Variants in CRYBB2 observed in about 807,000 individuals in gnomAD.
CRYBB2 encodes the protein beta-crystallin B2.
In CRYBB2, 12 loss-of-function variants were observed where a neutral mutation model predicts 24.3. The observed-to-expected ratio is 0.49, with a 90% CI of 0.32 to 0.80. The LOEUF (loss-of-function observed/expected upper bound fraction) is 0.80. CRYBB2 is among the 30% of genes least tolerant of loss of function. The pLI is 0.04. For synonymous variants in CRYBB2, 98 were observed against 101.6 expected, an observed-to-expected ratio of 0.96 and a Z score of 0.21; for missense variants, 198 against 268.5, an observed-to-expected ratio of 0.74 and a Z score of 1.83.
chr22:25,225,650 A>G (rs948054196), intron 3 of CRYBB2, among the ~76,000 whole-genome samples: 6 of 152,166 alleles, frequency 3.9e-5, no homozygotes, highest in Non-Finnish European at 8.8e-5. Context: ...ACAAAACCAC[A>G]GTTTCTCTCG....
intron 3 of CRYBB2, among the ~76,000 whole-genome samples, chr22:25,227,129 GC>G (rs1480989011): frequency 6.6e-6 from 1 of 152,106 alleles, no homozygotes; most frequent in East Asian, 1.9e-4. Flanking sequence ...TGAAATGTTC[GC>G]CTCTGCACTG....
At chr22:25,213,327 C>T (rs961816792) in intron 1 of CRYBB2, 4 of 152,066 alleles carry the variant, frequency 2.6e-5, no homozygotes, top group African/African-American at 7.2e-5. Context: ...CTATTCTCCT[C>T]GTGGGAGCAA....
chr22:25,220,382 A>C (rs1166819544), intron 1 of CRYBB2, among the ~76,000 whole-genome samples: 1 of 152,218 alleles, frequency 6.6e-6, no homozygotes, highest in African/African-American at 2.4e-5. Flanking sequence ...CAGAGTCTCA[A>C]TTCTGGCAGG....
At chr22:25,224,080 C>T (rs1005544183) in intron 2 of CRYBB2, among the ~76,000 whole-genome samples, 8 of 150,208 alleles carry the variant, frequency 5.3e-5, no homozygotes, top group African/African-American at 1.2e-4. Flanking sequence ...GCCGAGATCG[C>T]GCCACTGCAC....
At chr22:25,230,689 C>CATTG (rs990751489) in intron 5 of CRYBB2, among the ~76,000 whole-genome samples, 1 of 148,084 alleles carries the variant, frequency 6.8e-6, no homozygotes, top group African/African-American at 2.6e-5. Flanking sequence ...TTCCCTCATT[C>CATTG]ATTCATTCAT....
chr22:25,212,698 C>CCTAT (rs1444033112), exon 1 of CRYBB2: 3 of 152,216 alleles, frequency 2.0e-5, no homozygotes, highest in African/African-American at 7.2e-5. Context: ...CATCCACATG[C>CCTAT]CTATGTGCCT....
chr22:25,226,168 C>CTGTGTGTGTG (rs3064285), intron 3 of CRYBB2, among the ~76,000 whole-genome samples: 13 of 149,042 alleles, frequency 8.7e-5, no homozygotes, highest in African/African-American at 2.5e-4. Context: ...TTGGATTTCT[C>CTGTGTGTGTG]TGTGTGTGTG....
upstream of CRYBB2, among the ~76,000 whole-genome samples, chr22:25,218,779 G>GAGAGAGAGAAAGAAAGAAAGAAA (rs1935251085): frequency 1.4e-4 from 5 of 34,532 alleles, no homozygotes; most frequent in African/African-American, 2.4e-4. Flanking sequence ...GAGAGAGAGA[G>GAGAGAGAGAAAGAAAGAAAGAAA]AAGAAAGAAA....
At chr22:25,212,179 C>T (rs1360392635), upstream of CRYBB2, among the ~76,000 whole-genome samples, 1 of 152,248 alleles carries the variant, frequency 6.6e-6, no homozygotes, top group Non-Finnish European at 1.5e-5. Context: ...GCTTCCAGAG[C>T]TCCGTTCCAG....
chr22:25,214,212 CCTG>C (rs1168877501), intron 1 of CRYBB2, among the ~76,000 whole-genome samples: 3 of 152,164 alleles, frequency 2.0e-5, no homozygotes, highest in Non-Finnish European at 2.9e-5. Flanking sequence ...GATGTGAAAA[CCTG>C]TAGTCTGAGC....
chr22:25,218,820 AAGAAAGAAAGAAAGAAAG>A (rs1601416526), upstream of CRYBB2, among the ~76,000 whole-genome samples: 17 of 91,150 alleles, frequency 1.9e-4, no homozygotes, highest in African/African-American at 4.8e-4. Flanking sequence ...GAAAGAAAGA[AAGAAAGAAAGAAAGAAAG>A]AGAAAGAAAG....
chr22:25,216,357 G>T (rs1459038685), upstream of CRYBB2, among the ~76,000 whole-genome samples: 3 of 152,310 alleles, frequency 2.0e-5, no homozygotes, highest in East Asian at 5.8e-4. Flanking sequence ...ATCCTTATAG[G>T]CACAGAAATT....
chr22:25,219,234 GAATA>G (rs1262215088), upstream of CRYBB2, among the ~76,000 whole-genome samples: 1 of 152,202 alleles, frequency 6.6e-6, no homozygotes, highest in African/African-American at 2.4e-5. Flanking sequence ...TTTGTTGAAT[GAATA>G]AATGGGTAGA....
chr22:25,226,966 G>T (rs1315815600), intron 3 of CRYBB2, among the ~76,000 whole-genome samples: 1 of 152,048 alleles, frequency 6.6e-6, no homozygotes, highest in East Asian at 1.9e-4. Context: ...GAGCCACAGC[G>T]CCCAGCCCCT....
intron 2 of CRYBB2, among the ~76,000 whole-genome samples, chr22:25,224,214 C>G (rs144427204): frequency 2.0e-5 from 3 of 151,844 alleles, no homozygotes; most frequent in Non-Finnish European, 2.9e-5. Flanking sequence ...TGGGTGGGTC[C>G]CTTCACTTTG....
At chr22:25,228,042 C>T in intron 4 of CRYBB2, 57 bp downstream of exon 4, 1 of 1,612,236 alleles carries the variant, frequency 6.2e-7, no homozygotes, top group Non-Finnish European at 8.5e-7. Context: ...TACTTTCTCT[C>T]TCTGCCACCT....
chr22:25,229,409 T>G (rs1208953759), intron 4 of CRYBB2, 27 bp from the exon 5 acceptor site: 1 of 1,586,848 alleles, frequency 6.3e-7, no homozygotes, highest in Non-Finnish European at 8.6e-7. Flanking sequence ...TCACCCATAC[T>G]CACTTCCCCC....
At chr22:25,214,739 C>T (rs114211029), upstream of CRYBB2, among the ~76,000 whole-genome samples, 1,481 of 152,236 alleles carry the variant, frequency 9.7e-3, 28 homozygotes, top group African/African-American at 0.034. Flanking sequence ...ATATTTAATT[C>T]TTCGCAAGTG....
chr22:25,227,576 C>T (rs1028238096), intron 3 of CRYBB2, among the ~76,000 whole-genome samples: 8 of 149,960 alleles, frequency 5.3e-5, no homozygotes, highest in Admixed American at 2.7e-4. Context: ...TAGTGCATGG[C>T]GTCTATATAT....
Sources: gnomAD v4.1 joint callset for allele counts (sites outside exome capture counted in the v4.1 genomes callset) on GRCh38, gnomAD v4.1.1 for gene constraint, MANE v1.5 for transcripts, NCBI Gene and HGNC (gene_info 2026-07-23, HGNC 2026-07-21) for gene names.